The following DNAI1 variants were observed in gnomAD, a reference collection of about 807,000 sequenced individuals.
DNAI1 encodes the protein dynein axonemal intermediate chain 1.
DNAI1 carries 67 observed loss-of-function variants against 92.0 expected under a neutral mutation model. The observed-to-expected ratio is 0.73, with a 90% CI of 0.60 to 0.89. DNAI1 has a LOEUF of 0.89. Among genes scored for constraint, DNAI1 ranks in the 40% least tolerant of loss-of-function variants. The probability of loss-of-function intolerance (pLI) is 0.00; values close to 1 mark genes in which losing one functional copy is unlikely to be tolerated. For synonymous variants in DNAI1, 323 were observed against 319.6 expected, an observed-to-expected ratio of 1.01 and a Z score of -0.11; for missense variants, 839 against 866.6, an observed-to-expected ratio of 0.97 and a Z score of 0.40.
chr9:34,485,937 C>G (rs1316119783), intron 4 of DNAI1, among the ~76,000 whole-genome samples: 2 of 152,180 alleles, frequency 1.3e-5, no homozygotes, highest in African/African-American at 4.8e-5. Flanking sequence ...CACCCCCAGC[C>G]CCACTGGAGA....
chr9:34,501,164 C>T lies in DNAI1; in HGVS notation c.1046C>T (p.Ala349Val). The change falls in exon 12 of 20, where the codon GCA (alanine) becomes GTA (valine). Residue 349 changes from alanine to valine, a missense_variant. Physicochemically the swap from Ala to Val is moderately conservative, Grantham distance 64. Transcript: ENST00000242317. ...CWNPKYRDLFAVGYGSYDFMK... is the reference protein window; with the variant it reads ...CWNPKYRDLFVVGYGSYDFMK... The stretch of plus-strand genomic sequence containing the variant: ...AATCCAAAGTACAGGGATCTGTTTG[C>T]AGTGGGATATGGCTCTTGTAAGTGA... The T allele has an allele frequency of 6.2e-7, 1 of 1,613,500 alleles. No homozygotes were observed.
chr9:34,503,298 C>T (rs1344539387), intron 12 of DNAI1, among the ~76,000 whole-genome samples: 7 of 152,200 alleles, frequency 4.6e-5, no homozygotes, highest in Admixed American at 4.6e-4. Context: ...TCTTGAGTGC[C>T]TCCATGGGAG....
chr9:34,514,734 G>A lies in DNAI1; in HGVS notation c.1813G>A (p.Gly605Arg), dbSNP rs145255472. 3.1e-5 allele frequency: 50 copies of A among 1,613,802 alleles called. No individual in the cohort carries two copies. In the African/African-American group the frequency reaches 5.7e-4, roughly 19 times the overall value. The change falls in exon 18 of 20, where the codon GGG becomes AGG. Residue 605 changes from glycine to arginine, a missense_variant. Gly to Arg is a moderately radical substitution (Grantham distance 125). Coordinates refer to ENST00000242317, the MANE Select transcript of DNAI1 (RefSeq NM_012144.4). ...STVFAAVTTD[G>R]KAHIFDLAIN... is the part of the protein sequence containing the mutation. Reference sequence around the variant, plus strand: ...TGTGTTCGCAGCAGTCACCACAGATGGGAAGGTGAGTGCCAGCGTCCTGAC... The same window carrying A: ...TGTGTTCGCAGCAGTCACCACAGATAGGAAGGTGAGTGCCAGCGTCCTGAC...
At chr9:34,476,224 C>T (rs998356575) in intron 1 of DNAI1, among the ~76,000 whole-genome samples, 1 of 152,212 alleles carries the variant, frequency 6.6e-6, no homozygotes, top group Non-Finnish European at 1.5e-5. Context: ...TGGTAATCAA[C>T]TGGTCTCTGC....
intron 12 of DNAI1, among the ~76,000 whole-genome samples, chr9:34,505,342 G>A (rs1587083754): frequency 6.6e-6 from 1 of 151,940 alleles, no homozygotes; most frequent in East Asian, 1.9e-4. Flanking sequence ...CTGCTTCTAT[G>A]GTTACATCTC....
At chr9:34,500,908 C>T (rs536650160) in intron 11 of DNAI1, 69 bp downstream of exon 11, 3 of 1,253,762 alleles carry the variant, frequency 2.4e-6, no homozygotes, top group Admixed American at 1.7e-5. Flanking sequence ...CCCAGTACCC[C>T]CTTCTGCACT....
chr9:34,489,785 G>A (rs1424390864), intron 5 of DNAI1, among the ~76,000 whole-genome samples: 2 of 152,102 alleles, frequency 1.3e-5, no homozygotes, highest in African/African-American at 2.4e-5. Context: ...GGAGGCAGAG[G>A]TTGCAGTGAG....
At chr9:34,512,025 G>C in intron 13 of DNAI1, 84 bp from the exon 14 acceptor site, 1 of 1,347,238 alleles carries the variant, frequency 7.4e-7, no homozygotes, top group South Asian at 1.2e-5. Flanking sequence ...CCTCAGATGG[G>C]TGCTTGGGGG....
intron 1 of DNAI1, among the ~76,000 whole-genome samples, chr9:34,465,301 G>C (rs972221548): frequency 6.6e-6 from 1 of 152,180 alleles, no homozygotes; most frequent in Non-Finnish European, 1.5e-5. Context: ...ATAATGACTA[G>C]AGCCAAGTCT....
chr9:34,489,373 C>T lies in DNAI1; in HGVS notation c.312C>T (p.Tyr104=), dbSNP rs1383429699. The change falls in exon 5 of 20, where the codon TAC becomes TAT. Residue 104 remains tyrosine, a synonymous_variant. Coordinates refer to ENST00000242317, the MANE Select transcript of DNAI1 (RefSeq NM_012144.4). ...IGFVNQLAVH[Y]TQVGNLIPKD... Reference sequence around the variant, plus strand: ...TTGTGAACCAACTGGCAGTTCACTACACCCAGGTTGGGAACCTGATCCCCA... The same window carrying T: ...TTGTGAACCAACTGGCAGTTCACTATACCCAGGTTGGGAACCTGATCCCCA... 2 of 1,614,080 alleles carry T rather than the reference C, an allele frequency of 1.2e-6. No homozygotes were observed. The highest frequency in any genetic ancestry group is 1.3e-5 in the African/African-American group (1 of 75,050).
intron 1 of DNAI1, among the ~76,000 whole-genome samples, chr9:34,460,240 T>C (rs1179843304): frequency 2.0e-5 from 3 of 152,228 alleles, no homozygotes; most frequent in Non-Finnish European, 4.4e-5. Flanking sequence ...AGGAGTCTTC[T>C]GTGGTGAAGC....
At chr9:34,462,166 G>A (rs1268103189) in intron 1 of DNAI1, among the ~76,000 whole-genome samples, 1 of 152,160 alleles carries the variant, frequency 6.6e-6, no homozygotes, top group Non-Finnish European at 1.5e-5. Flanking sequence ...ACCCTGCATG[G>A]TCTTGCCTTT....
chr9:34,490,135 A>G lies in DNAI1; in HGVS notation c.501+11A>G, dbSNP rs547333213. 4.3e-6 allele frequency: 7 copies of G among 1,613,822 alleles called. No homozygotes were observed. Among genetic ancestry groups the G allele is most frequent in the South Asian group, 1.1e-5 (1 of 91,050 alleles). On this transcript the variant is annotated intron_variant, in intron 6 of 19. Transcript: ENST00000242317. ...GTGCCTGCAGCTGGGGTACAGTATA[A>G]TATCGCTCTGTGTCCCTCTTCTTCC...
At chr9:34,498,074 G>T (rs944448624) in intron 10 of DNAI1, among the ~76,000 whole-genome samples, 2 of 152,192 alleles carry the variant, frequency 1.3e-5, no homozygotes, top group Admixed American at 1.3e-4. Context: ...GGATGTGATT[G>T]TGTAGAATAT....
rs1824539776 is a variant in DNAI1, at chr9:34,489,565, C to T, written c.388+116C>T. 6 of 1,301,338 alleles carry T rather than the reference C, an allele frequency of 4.6e-6. 1 individual carries two copies. In the South Asian group the frequency reaches 4.8e-5, roughly 10 times the overall value. The allele number at this position is 1,301,338 out of a possible 1,614,324, so 80.6% of individuals were successfully genotyped here. On this transcript the variant is annotated intron_variant, in intron 5 of 19. Coordinates refer to ENST00000242317, the MANE Select transcript of DNAI1 (RefSeq NM_012144.4). ...TTCAGAGCTTCTGCTAACATAAACT[C>T]CAGGCCGGGCAGGGTGGTTCTTGCC...
At chr9:34,469,728 C>T (rs1417850546) in intron 1 of DNAI1, among the ~76,000 whole-genome samples, 2 of 152,048 alleles carry the variant, frequency 1.3e-5, no homozygotes, top group Admixed American at 6.6e-5. Flanking sequence ...CAGATGCTCA[C>T]CACCATGGTG....
In DNAI1 at chr9:34,477,922, CTCT is replaced by C. The variant is rs1160035625; in HGVS notation, c.49-5524_49-5522del. On this transcript the variant is annotated intron_variant, in intron 1 of 19. Coordinates refer to ENST00000242317, the MANE Select transcript of DNAI1 (RefSeq NM_012144.4). ...AGACCCTGTCTCTCTCTCTCTCTCT[CTCT>C]TTTTTTTTTTTTTTTTTTTTTTTTA... is the stretch of plus-strand genomic sequence containing the variant. Among the ~76,000 whole-genome samples the C allele has an allele frequency of 4.1e-3, 357 of 86,948 alleles. 2 individuals carry two copies. The highest frequency in any genetic ancestry group is 0.023 in the Admixed American group (172 of 7,424). 57.0% of individuals were successfully genotyped at this position (86,948 alleles called of 152,430 possible).
chr9:34,495,796 C>T (rs756929618), intron 9 of DNAI1, among the ~76,000 whole-genome samples: 2 of 152,128 alleles, frequency 1.3e-5, no homozygotes, highest in Non-Finnish European at 2.9e-5. Context: ...TGGGGAGAGT[C>T]ACACTTACCA....
intron 7 of DNAI1, 97 bp downstream of exon 7, chr9:34,490,585 C>T (rs1360170732): frequency 6.6e-7 from 1 of 1,517,726 alleles, no homozygotes; most frequent in East Asian, 2.3e-5. Context: ...CTCAGCCTGG[C>T]AGGGGTGACA....
Sources: gnomAD v4.1 joint callset for allele counts (sites outside exome capture counted in the v4.1 genomes callset) on GRCh38, gnomAD v4.1.1 for gene constraint, MANE v1.5 for transcripts, NCBI Gene and HGNC (gene_info 2026-07-23, HGNC 2026-07-21) for gene names.